ITGA1: variants seen among roughly 807,000 people sequenced by gnomAD.
ITGA1 encodes integrin subunit alpha 1.
In ITGA1, 85 loss-of-function variants were observed where a neutral mutation model predicts 145.9. The ratio of observed to expected loss-of-function variants is 0.58; its 90% CI spans 0.49 to 0.70. ITGA1 has a LOEUF of 0.70. Among genes scored for constraint, ITGA1 ranks in the 30% least tolerant of loss-of-function variants. The pLI is 0.00. For missense variants in ITGA1, 1,351 were observed against 1,418.7 expected (o/e 0.95, Z 0.77); for synonymous variants, 520 against 495.3 (o/e 1.05, Z -0.66).
intron 14 of ITGA1, among the ~76,000 whole-genome samples, chr5:52,914,112 T>C (rs1750606022): frequency 6.6e-6 from 1 of 152,206 alleles, no homozygotes; most frequent in Non-Finnish European, 1.5e-5. Context: ...CATAAACAAC[T>C]TGTTTTCTAA....
At chr5:52,823,102 G>A (rs576152366) in intron 1 of ITGA1, among the ~76,000 whole-genome samples, 38 of 152,274 alleles carry the variant, frequency 2.5e-4, no homozygotes, top group African/African-American at 7.5e-4. Flanking sequence ...ATGGTGCCCC[G>A]ACTTTCCTGA....
chr5:52,808,295 TC>T (rs1380279211), intron 1 of ITGA1, among the ~76,000 whole-genome samples: 3 of 152,218 alleles, frequency 2.0e-5, no homozygotes, highest in Admixed American at 6.5e-5. Flanking sequence ...GAATGACTGT[TC>T]CAGATAACCA....
Position 52,955,058 on chromosome 5 carries a change from A to C in ITGA1, c.*2607A>C, listed in dbSNP as rs915011566. 5 of 152,100 alleles carry C rather than the reference A, an allele frequency of 3.3e-5. No individual in the cohort carries two copies. The highest frequency in any genetic ancestry group is 7.4e-5 in the Non-Finnish European group (5 of 68,020). 9.4% of individuals were successfully genotyped at this position (152,100 alleles called of 1,614,324 possible). On this transcript the variant is annotated 3_prime_UTR_variant, in exon 29 of 29. Transcript: ENST00000282588. ...CTAACTTTGGTATTCTAAATAATTG[A>C]TTATTGCTCCCATTGTAAACTGAAC...
chr5:52,942,224 G>A (rs1751064058), intron 26 of ITGA1, among the ~76,000 whole-genome samples: 1 of 152,076 alleles, frequency 6.6e-6, no homozygotes, highest in Admixed American at 6.5e-5. Context: ...GTCTGGCTTT[G>A]TTCTTTTTAC....
intron 11 of ITGA1, chr5:52,903,102 T>C (rs1040607166): frequency 2.6e-5 from 4 of 152,118 alleles, no homozygotes; most frequent in African/African-American, 9.7e-5. Flanking sequence ...GTATAAGTCA[T>C]CAAAGAGAGT....
At chr5:52,819,994 C>T (rs964765303) in intron 1 of ITGA1, among the ~76,000 whole-genome samples, 5 of 151,976 alleles carry the variant, frequency 3.3e-5, no homozygotes, top group African/African-American at 9.7e-5. Context: ...TGTTCTGTTC[C>T]ATTGGTCTAT....
chr5:52,864,952 T>TCTGA lies in ITGA1; in HGVS notation c.385-19_385-18insCTGA. On this transcript the variant is annotated intron_variant, in intron 4 of 28. Transcript: ENST00000282588. The stretch of plus-strand genomic sequence containing the variant: ...ATTTTCAGTCTAATGATTTCTAATT[T>TCTGA]TAAAACAATTTTTTAAAGGCTTGTG... The TCTGA allele has an allele frequency of 6.3e-7, 1 of 1,594,726 alleles. No individual in the cohort carries two copies. Among genetic ancestry groups the TCTGA allele is most frequent in the Non-Finnish European group, 8.5e-7 (1 of 1,169,676 alleles).
intron 17 of ITGA1, among the ~76,000 whole-genome samples, chr5:52,921,144 T>C (rs1013066622): frequency 2.6e-5 from 4 of 152,130 alleles, no homozygotes; most frequent in Non-Finnish European, 5.9e-5. Context: ...AGGAGTTTCC[T>C]AAACATTTTC....
At chr5:52,923,124 G>A (rs563473325) in intron 18 of ITGA1, among the ~76,000 whole-genome samples, 3 of 152,330 alleles carry the variant, frequency 2.0e-5, no homozygotes, top group South Asian at 4.1e-4. Flanking sequence ...GGAGTTAGAT[G>A]TGGGGCAGGG....
intron 11 of ITGA1, 149 bp from the exon 12 acceptor site, chr5:52,905,614 C>T (rs887243677): frequency 3.4e-6 from 2 of 587,590 alleles, no homozygotes; most frequent in African/African-American, 1.9e-5. Context: ...TCCACCAAAA[C>T]AAATTCTTAC....
intron 1 of ITGA1, among the ~76,000 whole-genome samples, chr5:52,808,506 A>G (rs955579646): frequency 6.6e-6 from 1 of 152,164 alleles, no homozygotes; most frequent in Admixed American, 6.5e-5. Context: ...AACATTGACT[A>G]GAACTTTTTG....
chr5:52,856,823 C>T (rs1015208428), intron 2 of ITGA1, among the ~76,000 whole-genome samples: 10 of 152,146 alleles, frequency 6.6e-5, no homozygotes, highest in African/African-American at 2.4e-4. Flanking sequence ...TATAAATTCT[C>T]AAGATTTTTG....
chr5:52,906,847 C>G (rs1750416208), intron 12 of ITGA1, among the ~76,000 whole-genome samples: 2 of 152,154 alleles, frequency 1.3e-5, no homozygotes, highest in Non-Finnish European at 2.9e-5. Flanking sequence ...CAGTAAAGCT[C>G]AGGTGCAGGG....
At chr5:52,898,682 AAGG>A (rs1750269204) in intron 11 of ITGA1, among the ~76,000 whole-genome samples, 1 of 152,104 alleles carries the variant, frequency 6.6e-6, no homozygotes, top group Admixed American at 6.6e-5. Context: ...CTTTAACTTC[AAGG>A]AGAACTTTGA....
chr5:52,788,363 C>G lies in ITGA1; in HGVS notation c.10C>G (p.Arg4Gly). MAP[R>G]PRARPGVAVA... ...TGAGGCTGCTCCGGCCATGGCCCCT[C>G]GGCCCCGCGCCCGCCCAGGGGTCGC... The change falls in exon 1 of 29, where the codon CGG becomes GGG. Residue 4 changes from arginine (R) to glycine (G), a missense_variant. Transcript: ENST00000282588. The G allele has an allele frequency of 1.3e-6, 2 of 1,510,882 alleles. No homozygotes were observed. Among genetic ancestry groups the G allele is most frequent in the Non-Finnish European group, 1.8e-6 (2 of 1,133,928 alleles). 93.6% of individuals were successfully genotyped at this position (1,510,882 alleles called of 1,614,324 possible).
At chr5:52,823,043 G>A (rs189323853) in intron 1 of ITGA1, among the ~76,000 whole-genome samples, 1 of 152,058 alleles carries the variant, frequency 6.6e-6, no homozygotes, top group East Asian at 1.9e-4. Flanking sequence ...TCAAAAGAGG[G>A]CTCCAAGGAA....
intron 6 of ITGA1, among the ~76,000 whole-genome samples, chr5:52,880,207 C>T (rs984651208): frequency 6.6e-6 from 1 of 152,136 alleles, no homozygotes; most frequent in Non-Finnish European, 1.5e-5. Flanking sequence ...ACTAGACCCC[C>T]CTTCCACCAC....
intron 18 of ITGA1, among the ~76,000 whole-genome samples, chr5:52,923,605 T>A (rs989515680): frequency 2.0e-5 from 3 of 152,214 alleles, no homozygotes; most frequent in Admixed American, 2.0e-4. Flanking sequence ...CACATAACCC[T>A]AAATCAATTT....
intron 6 of ITGA1, among the ~76,000 whole-genome samples, 182 bp downstream of exon 6, chr5:52,865,999 A>G (rs1171534191): frequency 7.9e-6 from 1 of 126,686 alleles, no homozygotes; most frequent in East Asian, 2.2e-4. Context: ...GTTATTTTCT[A>G]TTTTTTTCTT....
Sources: gnomAD v4.1 joint callset for allele counts (sites outside exome capture counted in the v4.1 genomes callset) on GRCh38, gnomAD v4.1.1 for gene constraint, MANE v1.5 for transcripts, NCBI Gene and HGNC (gene_info 2026-07-23, HGNC 2026-07-21) for gene names.